The following CPED1 variants were observed in gnomAD, a reference collection of about 807,000 sequenced individuals.
The protein encoded by CPED1 is cadherin like and PC-esterase domain containing 1.
CPED1 carries 114 observed loss-of-function variants against 128.2 expected under a neutral mutation model. The ratio of observed to expected loss-of-function variants is 0.89; its 90% confidence interval spans 0.76 to 1.04. The LOEUF (loss-of-function observed/expected upper bound fraction) is 1.04. Ranked by LOEUF, CPED1 falls within the 50% of genes least tolerant of loss-of-function variation. The pLI, the probability that CPED1 is intolerant of heterozygous loss-of-function variation, is 0.00. For synonymous variants in CPED1, 462 were observed against 426.7 expected, an observed-to-expected ratio of 1.08 and a Z score of -1.02; for missense variants, 1,211 against 1,207.1, an observed-to-expected ratio of 1.00 and a Z score of -0.05.
intron 3 of CPED1, among the ~76,000 whole-genome samples, chr7:121,021,193 T>C (rs76976299): frequency 2.6e-5 from 4 of 151,970 alleles, no homozygotes. Flanking sequence ...GGAAATACTA[T>C]TAAAAGATAT....
intron 16 of CPED1, among the ~76,000 whole-genome samples, chr7:121,174,191 A>G (rs1034595606): frequency 3.9e-5 from 6 of 152,082 alleles, no homozygotes; most frequent in Non-Finnish European, 8.8e-5. Flanking sequence ...CTCTGTTGAT[A>G]GTTTTGTTTG....
intron 5 of CPED1, among the ~76,000 whole-genome samples, chr7:121,091,027 T>A (rs1443853642): frequency 6.6e-6 from 1 of 152,096 alleles, no homozygotes; most frequent in Non-Finnish European, 1.5e-5. Context: ...TAAGCTGAAG[T>A]GTAGGTCTGA....
At chr7:120,997,175 C>T (rs924147040) in intron 2 of CPED1, among the ~76,000 whole-genome samples, 2 of 152,244 alleles carry the variant, frequency 1.3e-5, no homozygotes, top group Non-Finnish European at 2.9e-5. Flanking sequence ...ATTATAGCAG[C>T]CCTTATCTCC....
At chr7:121,270,712 C>T (rs1047188094) in intron 21 of CPED1, among the ~76,000 whole-genome samples, 7 of 151,934 alleles carry the variant, frequency 4.6e-5, no homozygotes, top group Non-Finnish European at 8.8e-5. Flanking sequence ...TCTGGGTTCT[C>T]TGTTCTCCTT....
intron 13 of CPED1, among the ~76,000 whole-genome samples, chr7:121,135,408 CTCAG>C (rs1795763385): frequency 6.6e-6 from 1 of 152,040 alleles, no homozygotes; most frequent in Non-Finnish European, 1.5e-5. Context: ...TTCAGATCTA[CTCAG>C]TCAGAATCTC....
intron 3 of CPED1, among the ~76,000 whole-genome samples, chr7:121,037,473 T>C (rs1481539876): frequency 6.6e-6 from 1 of 152,188 alleles, no homozygotes; most frequent in Non-Finnish European, 1.5e-5. Context: ...ATTTCTGGGT[T>C]CTCTATTCTG....
chr7:121,133,948 A>C (rs1401240987), intron 13 of CPED1, 55 bp downstream of exon 13: 4 of 989,378 alleles, frequency 4.0e-6, no homozygotes, highest in Non-Finnish European at 6.1e-6. Context: ...ATTTCCTGGC[A>C]AAAAAATGCA....
intron 16 of CPED1, among the ~76,000 whole-genome samples, chr7:121,218,991 A>G (rs1439939312): frequency 6.6e-6 from 1 of 152,072 alleles, no homozygotes; most frequent in Non-Finnish European, 1.5e-5. Flanking sequence ...TCTTGTTGCT[A>G]TTATTTTGTC....
In CPED1 at chr7:121,128,536, A is replaced by G. The variant is rs1348749566; in HGVS notation, c.1407+50A>G. ...CTTTCTTGGTGACTGGGATTAGAGT[A>G]GATCACTGTAAGCTACCTGATTTTG... On this transcript the variant is annotated intron_variant, in intron 11 of 22. Transcript: ENST00000310396. The G allele has an allele frequency of 5.3e-6, 5 of 939,912 alleles. No individual in the cohort carries two copies. The East Asian group carries it at 7.2e-5, about 14-fold the overall frequency. 58.2% of individuals were successfully genotyped at this position (939,912 alleles called of 1,614,324 possible).
intron 4 of CPED1, among the ~76,000 whole-genome samples, chr7:121,057,412 C>T (rs1563008737): frequency 1.3e-5 from 2 of 152,212 alleles, no homozygotes; most frequent in South Asian, 4.2e-4. Context: ...GAGCATAGTA[C>T]CCTTTTTAAC....
In CPED1 at chr7:121,156,322, C is replaced by T. The variant is rs184224703; in HGVS notation, c.2055+14181C>T. The stretch of plus-strand genomic sequence containing the variant: ...AAAATAGAACTACCAGATGATCCAT[C>T]AGCCCACTGTTGAGTATATATCCAA... On this transcript the variant is annotated intron_variant, in intron 16 of 22. Transcript: ENST00000310396. Among the ~76,000 whole-genome samples, 178 of 118,686 alleles carry T rather than the reference C, an allele frequency of 1.5e-3. 1 individual carries two copies. Among genetic ancestry groups the T allele is most frequent in the African/African-American group, 4.6e-3 (172 of 37,412 alleles). 77.9% of individuals were successfully genotyped at this position (118,686 alleles called of 152,430 possible).
chr7:121,128,872 T>G (rs955745957), intron 11 of CPED1, among the ~76,000 whole-genome samples: 12 of 152,144 alleles, frequency 7.9e-5, no homozygotes, highest in Non-Finnish European at 1.3e-4. Flanking sequence ...ATACCCTTTT[T>G]GTTTTTGTAA....
At chr7:121,246,136 G>A (rs1364588328) in intron 18 of CPED1, among the ~76,000 whole-genome samples, 1 of 152,126 alleles carries the variant, frequency 6.6e-6, no homozygotes. Flanking sequence ...AGAATTTAGG[G>A]TGTTCAGAAA....
chr7:121,054,343 C>G (rs1230261620), intron 4 of CPED1, among the ~76,000 whole-genome samples: 1 of 152,208 alleles, frequency 6.6e-6, no homozygotes, highest in Non-Finnish European at 1.5e-5. Flanking sequence ...CTTTCTCAGA[C>G]AGTGAGAAAA....
At chr7:121,232,447 T>C (rs978629679) in intron 16 of CPED1, among the ~76,000 whole-genome samples, 2 of 152,168 alleles carry the variant, frequency 1.3e-5, no homozygotes, top group Non-Finnish European at 2.9e-5. Context: ...TCCAGTCACA[T>C]GGCTTAGGCT....
At chr7:121,233,024 T>G (rs1534016) in intron 16 of CPED1, among the ~76,000 whole-genome samples, 1 of 151,982 alleles carries the variant, frequency 6.6e-6, no homozygotes, top group South Asian at 2.1e-4. Context: ...GAAGTGGGTG[T>G]CCAGAGGAAT....
Position 121,142,104 on chromosome 7 carries a change from C to A in CPED1, c.2018C>A (p.Pro673His), listed in dbSNP as rs1277652310. Reference sequence around the variant, plus strand: ...TATAGAGAAGACCGCCCAAGTCTGCCCTTGTTTGAGGCCTTCACAGCATGT... The same window carrying A: ...TATAGAGAAGACCGCCCAAGTCTGCACTTGTTTGAGGCCTTCACAGCATGT... ...TIYREDRPSL[P>H]LFEAFTACGF... Residue 673 changes from proline to histidine, a missense_variant, in exon 16 of 23, where the codon CCC becomes CAC. Pro to His is a moderately conservative substitution (Grantham distance 77). Transcript: ENST00000310396. 2 of 1,611,820 alleles carry A rather than the reference C, an allele frequency of 1.2e-6. No homozygotes were observed. The highest frequency in any genetic ancestry group is 2.7e-5 in the African/African-American group (2 of 74,792).
chr7:121,126,071 G>A (rs1367784627), intron 9 of CPED1, among the ~76,000 whole-genome samples, 179 bp downstream of exon 9: 1 of 152,066 alleles, frequency 6.6e-6, no homozygotes, highest in African/African-American at 2.4e-5. Flanking sequence ...GAATCTATGA[G>A]TCCAATCCTG....
At chr7:121,002,322 G>A (rs1391037828) in intron 2 of CPED1, among the ~76,000 whole-genome samples, 2 of 152,072 alleles carry the variant, frequency 1.3e-5, no homozygotes, top group Non-Finnish European at 2.9e-5. Flanking sequence ...TAGTAGTGAA[G>A]GAACTACCCG....
Sources: allele counts gnomAD v4.1 joint callset (sites outside exome capture counted in the v4.1 genomes callset), GRCh38; gene constraint gnomAD v4.1.1; transcripts MANE v1.5; gene names NCBI Gene and HGNC (gene_info 2026-07-23, HGNC 2026-07-21).